ADARB2: variants seen among roughly 807,000 people sequenced by gnomAD.
ADARB2 encodes the protein adenosine deaminase RNA specific B2 (inactive).
ADARB2 carries 25 observed loss-of-function variants against 62.2 expected under a neutral mutation model. The ratio of observed to expected loss-of-function variants is 0.40; its 90% CI spans 0.29 to 0.56. The LOEUF (loss-of-function observed/expected upper bound fraction) is 0.56. Among genes scored for constraint, ADARB2 ranks in the 20% least tolerant of loss-of-function variants. ADARB2 has a pLI of 0.43. For missense variants in ADARB2, 1,071 were observed against 1,077.4 expected (o/e 0.99, Z 0.08); for synonymous variants, 572 against 500.8 (o/e 1.14, Z -1.90).
chr10:1,292,553 G>A (rs1371342815), intron 3 of ADARB2: 1 of 152,278 alleles, frequency 6.6e-6, no homozygotes, highest in South Asian at 2.1e-4. Flanking sequence ...GAATCAAAAT[G>A]TCTGTATCAC....
intron 7 of ADARB2, among the ~76,000 whole-genome samples, chr10:1,215,347 T>C (rs533837578): frequency 6.6e-6 from 1 of 152,260 alleles, no homozygotes; most frequent in South Asian, 2.1e-4. Flanking sequence ...CCCTCTCCCT[T>C]CTCTCCGTTC....
chr10:1,296,547 T>A (rs1831524972), intron 3 of ADARB2, among the ~76,000 whole-genome samples: 1 of 152,140 alleles, frequency 6.6e-6, no homozygotes, highest in South Asian at 2.1e-4. Flanking sequence ...GGAGTCTTCC[T>A]GTGGTGCTGT....
At chr10:1,412,281 G>A (rs986551843) in intron 1 of ADARB2, among the ~76,000 whole-genome samples, 4 of 152,104 alleles carry the variant, frequency 2.6e-5, no homozygotes, top group African/African-American at 4.8e-5. Flanking sequence ...AAAGGAAGTC[G>A]CAAACCCTGT....
chr10:1,593,672 G>A (rs979204585), intron 1 of ADARB2, among the ~76,000 whole-genome samples: 2 of 152,314 alleles, frequency 1.3e-5, no homozygotes, highest in Admixed American at 1.3e-4. Flanking sequence ...ATTAATTTAT[G>A]ATTTGGTTTG....
chr10:1,733,865 C>A (rs146851470), intron 1 of ADARB2, among the ~76,000 whole-genome samples: 17 of 152,262 alleles, frequency 1.1e-4, no homozygotes, highest in African/African-American at 4.1e-4. Context: ...GTCTCCATAA[C>A]CTCCAAGTGC....
chr10:1,706,772 G>A (rs571003033), intron 1 of ADARB2, among the ~76,000 whole-genome samples: 51 of 152,274 alleles, frequency 3.3e-4, no homozygotes, highest in African/African-American at 9.6e-4. Context: ...ACACATTGAC[G>A]TGCTAATCAG....
chr10:1,232,878 G>A (rs1449820184), intron 6 of ADARB2, among the ~76,000 whole-genome samples: 1 of 151,476 alleles, frequency 6.6e-6, no homozygotes. Context: ...TGTGGTGTGT[G>A]TGTTGTATGT....
At chr10:1,481,193 GC>G (rs1232413423) in intron 1 of ADARB2, among the ~76,000 whole-genome samples, 1 of 152,212 alleles carries the variant, frequency 6.6e-6, no homozygotes, top group Non-Finnish European at 1.5e-5. Context: ...TGACAAAGGT[GC>G]TGCAACTAGT....
chr10:1,569,003 A>C (rs115247039), intron 1 of ADARB2, among the ~76,000 whole-genome samples: 5 of 152,284 alleles, frequency 3.3e-5, no homozygotes, highest in African/African-American at 1.2e-4. Flanking sequence ...CGAGATGGTG[A>C]GAGAGAGACA....
At chr10:1,333,249 C>G (rs977771255) in intron 3 of ADARB2, among the ~76,000 whole-genome samples, 6 of 152,206 alleles carry the variant, frequency 3.9e-5, no homozygotes, top group Non-Finnish European at 1.5e-5. Context: ...TGATGTTACA[C>G]AATCTTTAGG....
intron 1 of ADARB2, among the ~76,000 whole-genome samples, chr10:1,399,655 G>A (rs950105139): frequency 6.6e-6 from 1 of 152,210 alleles, no homozygotes; most frequent in African/African-American, 2.4e-5. Context: ...ATCACGCCCT[G>A]AGACGCATTC....
intron 1 of ADARB2, among the ~76,000 whole-genome samples, chr10:1,550,860 G>A (rs1044478368): frequency 5.3e-5 from 7 of 131,680 alleles, no homozygotes; most frequent in Admixed American, 7.5e-5. Context: ...TTCCCAGGCC[G>A]CCGTGCGAGC....
chr10:1,580,755 T>C (rs1833087603), intron 1 of ADARB2, among the ~76,000 whole-genome samples: 2 of 152,198 alleles, frequency 1.3e-5, no homozygotes, highest in Admixed American at 1.3e-4. Flanking sequence ...ATGCTCCTTC[T>C]GTTCCTCCCT....
rs1376849889 is a variant in ADARB2, at chr10:1,255,363, C to T, written c.1193-13064G>A. On this transcript the variant is annotated intron_variant, in intron 4 of 9. Transcript: ENST00000381312. This position sits in a 1 kb window ranked among gnomAD's most constrained non-coding sequence, Gnocchi z 4.7. ...CCTCGTCAGTGCAGCTGACGCTCAC[C>T]AAGCCTTCTGTGCCAGGCACATGTG... is the stretch of plus-strand genomic sequence containing the variant. Among the ~76,000 whole-genome samples the T allele has an allele frequency of 3.9e-5, 6 of 152,254 alleles. No homozygotes were observed. The highest frequency in any genetic ancestry group is 1.4e-4 in the African/African-American group (6 of 41,466).
chr10:1,440,718 G>C (rs79462744), intron 1 of ADARB2, among the ~76,000 whole-genome samples: 12,410 of 152,264 alleles, frequency 0.082, 622 homozygotes, highest in East Asian at 0.23. Context: ...TATGAGCCAA[G>C]TGTTAACTGT....
intron 3 of ADARB2, among the ~76,000 whole-genome samples, chr10:1,307,057 G>A (rs1263773656): frequency 8.9e-6 from 1 of 111,754 alleles, no homozygotes; most frequent in African/African-American, 2.8e-5. Context: ...AAAAGCAATG[G>A]CAACAAAAGA....
chr10:1,589,241 C>T (rs1010294084), intron 1 of ADARB2, among the ~76,000 whole-genome samples: 29 of 152,208 alleles, frequency 1.9e-4, no homozygotes, highest in African/African-American at 6.8e-4. Flanking sequence ...CATATGGGAA[C>T]CTACCCACCT....
intron 1 of ADARB2, among the ~76,000 whole-genome samples, chr10:1,613,102 G>A (rs537295531): frequency 6.6e-6 from 1 of 152,192 alleles, no homozygotes; most frequent in Non-Finnish European, 1.5e-5. Flanking sequence ...CAGCTCCCCG[G>A]CATCTGTCTG....
chr10:1,482,339 T>A (rs970366541), intron 1 of ADARB2, among the ~76,000 whole-genome samples: 3 of 152,192 alleles, frequency 2.0e-5, no homozygotes, highest in African/African-American at 7.2e-5. Context: ...CAAGTGTCCA[T>A]CAGTGCACGA....
Sources: allele counts gnomAD v4.1 joint callset (sites outside exome capture counted in the v4.1 genomes callset), GRCh38; gene constraint gnomAD v4.1.1; non-coding constraint Gnocchi (gnomAD v3.1); transcripts MANE v1.5; gene names NCBI Gene and HGNC (gene_info 2026-07-23, HGNC 2026-07-21).